SS18L1: variants seen among roughly 807,000 people sequenced by gnomAD.
SS18L1 encodes calcium-responsive transactivator.
Under a neutral mutation model 70.3 loss-of-function variants are expected in SS18L1, and 32 were observed. The ratio of observed to expected loss-of-function variants is 0.46; its 90% CI spans 0.34 to 0.61. The LOEUF is 0.61. Among genes scored for constraint, SS18L1 ranks in the 20% least tolerant of loss-of-function variants. The pLI, the probability that SS18L1 is intolerant of heterozygous loss-of-function variation, is 0.01. For missense variants in SS18L1, 430 were observed against 542.1 expected (o/e 0.79, Z 2.05); for synonymous variants, 237 against 229.7 (o/e 1.03, Z -0.29).
intron 9 of SS18L1, among the ~76,000 whole-genome samples, chr20:62,173,756 C>T (rs1467969164): frequency 1.3e-5 from 2 of 152,110 alleles, no homozygotes; most frequent in East Asian, 3.8e-4. Context: ...TGGCTCATGT[C>T]TATAATCCCA....
intron 6 of SS18L1, 123 bp from the exon 7 acceptor site, chr20:62,164,022 T>G: frequency 1.3e-6 from 1 of 750,692 alleles, no homozygotes. Context: ...GATGACAGCG[T>G]GGGGTGTTCT....
intron 8 of SS18L1, among the ~76,000 whole-genome samples, chr20:62,169,759 G>A (rs992954938): frequency 3.3e-5 from 5 of 151,542 alleles, no homozygotes; most frequent in Admixed American, 6.6e-5. Flanking sequence ...AGCCTGGGGC[G>A]GCAAAGCGAG....
Position 62,164,386 on chromosome 20 carries a change from T to C in SS18L1, c.823+140T>C, listed in dbSNP as rs6062096. On this transcript the variant is annotated intron_variant, in intron 7 of 10. Transcript: ENST00000331758. The stretch of plus-strand genomic sequence containing the variant: ...GCTCAGGCCTGGGCTACAGGCAGAG[T>C]GGCCAGACGCCCTGCAGGAGCAAGG... 0.089 allele frequency: 80,815 copies of C among 906,280 alleles called. 5,446 individuals carry two copies. Among genetic ancestry groups the C allele is most frequent in the African/African-American group, 0.27 (16,232 of 59,790 alleles). 56.1% of individuals were successfully genotyped at this position (906,280 alleles called of 1,614,324 possible). A position where few individuals can be genotyped will look rare whatever the true frequency, so the allele number is the denominator to read the frequency against.
At chr20:62,148,470 G>T (rs1259090435) in intron 1 of SS18L1, among the ~76,000 whole-genome samples, 8 of 149,780 alleles carry the variant, frequency 5.3e-5, no homozygotes, top group African/African-American at 1.7e-4. Flanking sequence ...GGTGAGGGAG[G>T]CTTGGCCTCC....
rs573586552 is a variant in SS18L1 at position 62,180,899 on chromosome 20, A to AAAAAAAATAAAT, written c.*1694_*1695insAAAATAAATAAA. On this transcript the variant is annotated 3_prime_UTR_variant, in exon 11 of 11. Coordinates refer to ENST00000331758, the MANE Select transcript of SS18L1 (RefSeq NM_198935.3). ...AACAAGAGTGAAATTCCGTCTCAAAAAAATAAATAAATAAATAAATAAATA... is the reference window on the plus strand; with the variant it reads ...AACAAGAGTGAAATTCCGTCTCAAAAAAAAAAATAAATAAATAAATAAATAAATAAATAAATA... 3 of 171,034 alleles carry AAAAAAAATAAAT rather than the reference A, an allele frequency of 1.8e-5. No homozygotes were observed. The highest frequency in any genetic ancestry group is 4.8e-5 in the African/African-American group (2 of 42,010). The allele number at this position is 171,034 out of a possible 1,614,324, so 10.6% of individuals were successfully genotyped here. A position where few individuals can be genotyped will look rare whatever the true frequency, so the allele number is the denominator to read the frequency against.
At chr20:62,176,014 G>A (rs935122069) in intron 10 of SS18L1, among the ~76,000 whole-genome samples, 12 of 152,248 alleles carry the variant, frequency 7.9e-5, no homozygotes, top group Non-Finnish European at 1.5e-4. Context: ...TGGCCCTCCA[G>A]GTTTGCACAG....
At chr20:62,160,452 G>T (rs2057308843) in intron 3 of SS18L1, among the ~76,000 whole-genome samples, 1 of 151,764 alleles carries the variant, frequency 6.6e-6, no homozygotes, top group Non-Finnish European at 1.5e-5. Flanking sequence ...CTCTCCGGGT[G>T]CTTTGAGCCA....
At chr20:62,179,118 T>C in intron 10 of SS18L1, 64 bp from the exon 11 acceptor site, 1 of 1,583,912 alleles carries the variant, frequency 6.3e-7, no homozygotes, top group South Asian at 1.1e-5. Context: ...CGGGCTGGGG[T>C]GGACGTCTGT....
rs34708339 is a variant in SS18L1, at chr20:62,150,633, A to ATTTTTTTTTTT, written c.69+6771_69+6781dup. 9.1e-4 allele frequency among the ~76,000 whole-genome samples: 53 copies of ATTTTTTTTTTT among 58,048 alleles called. 16 individuals are homozygous for ATTTTTTTTTTT. Among genetic ancestry groups the ATTTTTTTTTTT allele is most frequent in the Non-Finnish European group, 1.5e-3 (41 of 28,246 alleles). 38.1% of individuals were successfully genotyped at this position (58,048 alleles called of 152,430 possible). A position where few individuals can be genotyped will look rare whatever the true frequency, so the allele number is the denominator to read the frequency against. ...CGGAGCATAAGAAACATTGAGGTGG[A>ATTTTTTTTTTT]TTTTTTTTTTTTTTTTTTTTTTTTT... On this transcript the variant is annotated intron_variant, in intron 1 of 10. Transcript: ENST00000331758.
In SS18L1 at chr20:62,167,041, T is replaced by TG. The variant is rs1491147372; in HGVS notation, c.916+1528dup. 3.0e-5 allele frequency among the ~76,000 whole-genome samples: 4 copies of TG among 131,214 alleles called. No individual in the cohort carries two copies. In the East Asian group the frequency reaches 9.4e-4, roughly 31 times the overall value. The allele number at this position is 131,214 out of a possible 152,430, so 86.1% of individuals were successfully genotyped here. On this transcript the variant is annotated intron_variant, in intron 8 of 10. Transcript: ENST00000331758. ...GATTGCTTGAGCTCAGGAGTTTGTT[T>TG]GTTTTTTTTTTTTTTTTTTTTTGAG...
At chr20:62,148,851 G>C (rs1460904659) in intron 1 of SS18L1, among the ~76,000 whole-genome samples, 1 of 152,244 alleles carries the variant, frequency 6.6e-6, no homozygotes, top group East Asian at 1.9e-4. Context: ...TTTGGATAAA[G>C]ACACTGTGCC....
At position 62,179,963 on chromosome 20, in the gene SS18L1, CA is replaced by C. The variant is rs1568772761; in HGVS notation, c.*756del. On this transcript the variant is annotated 3_prime_UTR_variant, in exon 11 of 11. Transcript: ENST00000331758. ...GTGGACAAATTGCCTAACCCAGGGC[CA>C]GCGGTATTGCTGAAGGAAAGGGGCA... 1 of 222,718 alleles carries C rather than the reference CA, an allele frequency of 4.5e-6. No homozygotes were observed. The highest frequency in any genetic ancestry group is 9.0e-6 in the Non-Finnish European group (1 of 111,666). The allele number at this position is 222,718 out of a possible 1,614,324, so 13.8% of individuals were successfully genotyped here.
chr20:62,149,514 A>T (rs1350746995), intron 1 of SS18L1, among the ~76,000 whole-genome samples: 4 of 152,222 alleles, frequency 2.6e-5, no homozygotes, highest in African/African-American at 4.8e-5. Flanking sequence ...TGTTACCAGG[A>T]TGGGGATGGG....
At chr20:62,157,523 C>T (rs1013841710) in intron 1 of SS18L1, among the ~76,000 whole-genome samples, 8 of 152,184 alleles carry the variant, frequency 5.3e-5, no homozygotes, top group African/African-American at 1.9e-4. Context: ...TATGCCTGGC[C>T]GTCCCTGGAC....
intron 7 of SS18L1, 89 bp from the exon 8 acceptor site, chr20:62,165,333 C>T: frequency 1.5e-6 from 2 of 1,317,476 alleles, no homozygotes; most frequent in Non-Finnish European, 2.1e-6. Flanking sequence ...GGCCAGACAA[C>T]ATCTCCCCAG....
At chr20:62,151,239 C>T (rs981464745) in intron 1 of SS18L1, among the ~76,000 whole-genome samples, 2 of 152,208 alleles carry the variant, frequency 1.3e-5, no homozygotes, top group South Asian at 2.1e-4. Context: ...CTCACTCCCT[C>T]GCCTACCCAG....
intron 8 of SS18L1, among the ~76,000 whole-genome samples, chr20:62,167,186 C>T (rs2057451534): frequency 1.3e-5 from 2 of 149,956 alleles, no homozygotes; most frequent in Non-Finnish European, 3.0e-5. Context: ...GCTCGGATTA[C>T]AGGCCCCGCC....
rs761940228 is a variant in SS18L1 at position 62,162,962 on chromosome 20, G to A, written c.556+31G>A. 15 of 1,603,772 alleles carry A rather than the reference G, an allele frequency of 9.4e-6. No homozygotes were observed. In the Admixed American group the frequency reaches 1.7e-4, roughly 18 times the overall value. Reference sequence around the variant, plus strand: ...TACTCTGCCTCTGCAACCCCGGGGGGCCTGGGCCTGCCTCCAAGACCCTTG... The same window carrying A: ...TACTCTGCCTCTGCAACCCCGGGGGACCTGGGCCTGCCTCCAAGACCCTTG... On this transcript the variant is annotated intron_variant, in intron 5 of 10. Transcript: ENST00000331758.
intron 10 of SS18L1, chr20:62,175,415 C>G: frequency 2.0e-6 from 2 of 985,154 alleles, no homozygotes; most frequent in Non-Finnish European, 2.4e-6. Flanking sequence ...ACTGCAGGAG[C>G]GAGGGCCTCC....
Sources: gnomAD v4.1 joint callset for allele counts (sites outside exome capture counted in the v4.1 genomes callset) on GRCh38, gnomAD v4.1.1 for gene constraint, MANE v1.5 for transcripts, NCBI Gene and HGNC (gene_info 2026-07-23, HGNC 2026-07-21) for gene names.